RNF128: variants seen among roughly 807,000 people sequenced by gnomAD.
The protein encoded by RNF128 is ring finger protein 128, also known as E3 ubiquitin-protein ligase RNF128.
Under a neutral mutation model 26.2 loss-of-function variants are expected in RNF128, and 13 were observed. The observed-to-expected ratio is 0.50, with a 90% CI of 0.32 to 0.79. RNF128 has a LOEUF of 0.79. RNF128 is among the 30% of genes least tolerant of loss of function. The pLI is 0.03. For synonymous variants in RNF128, 149 were observed against 142.5 expected, an observed-to-expected ratio of 1.05 and a Z score of -0.32; for missense variants, 315 against 349.7, an observed-to-expected ratio of 0.90 and a Z score of 0.79.
chrX:106,757,105 G>A (rs1393280580), intron 1 of RNF128, among the ~76,000 whole-genome samples: 16 of 69,093 alleles, frequency 2.3e-4, no homozygotes, highest in African/African-American at 9.3e-4. Context: ...AGAGGATGTG[G>A]AGAAACAGGA....
intron 3 of RNF128, among the ~76,000 whole-genome samples, chrX:106,787,147 T>C (rs1177182678): frequency 9.0e-6 from 1 of 111,398 alleles, no homozygotes; most frequent in Non-Finnish European, 1.9e-5. Context: ...AAAACACAAC[T>C]GTTCATAGCA....
At chrX:106,696,592 C>T (rs941644892) in intron 1 of RNF128, among the ~76,000 whole-genome samples, 1 of 111,272 alleles carries the variant, frequency 9.0e-6, no homozygotes, top group Non-Finnish European at 1.9e-5. Context: ...TCTGTCATCT[C>T]ATCTTGTATT....
In RNF128 at chrX:106,735,924, TA is replaced by T. The variant is rs761384347; in HGVS notation, c.484+8534del. Among the ~76,000 whole-genome samples the T allele has an allele frequency of 3.6e-5, 4 of 110,367 alleles. No individual in the cohort carries two copies. The East Asian group carries it at 1.1e-3, about 31-fold the overall frequency. ...ACCCTCCCCCCAACACACACACACATAAAAAAATGCACATTCCATGCCTTTC... is the reference window on the plus strand; with the variant it reads ...ACCCTCCCCCCAACACACACACACATAAAAAATGCACATTCCATGCCTTTC... On this transcript the variant is annotated intron_variant, in intron 1 of 6. Coordinates refer to ENST00000255499, the MANE Select transcript of RNF128 (RefSeq NM_194463.2).
At chrX:106,722,183 A>G (rs149435608), upstream of RNF128, among the ~76,000 whole-genome samples, 544 of 110,832 alleles carry the variant, frequency 4.9e-3, no homozygotes, top group African/African-American at 0.017. Flanking sequence ...GGGTGAAACT[A>G]TACTTAAATT....
intron 1 of RNF128, among the ~76,000 whole-genome samples, chrX:106,744,303 C>A (rs932602069): frequency 8.1e-5 from 9 of 111,500 alleles, no homozygotes; most frequent in Non-Finnish European, 1.5e-4. Flanking sequence ...CACTATAGAT[C>A]TCATGCAGAA....
intron 1 of RNF128, among the ~76,000 whole-genome samples, chrX:106,768,167 T>G (rs1336913582): frequency 8.9e-6 from 1 of 111,983 alleles, no homozygotes; most frequent in Non-Finnish European, 1.9e-5. Flanking sequence ...GATTTTCGTC[T>G]AAAATTTTCT....
chrX:106,730,668 A>G (rs6523889), intron 1 of RNF128, among the ~76,000 whole-genome samples: 13,891 of 111,315 alleles, frequency 0.12, 2,136 homozygotes, highest in African/African-American at 0.43. Context: ...TGCTTGTACA[A>G]TTTTCCTTGA....
At chrX:106,748,255 C>T (rs1929821255) in intron 1 of RNF128, among the ~76,000 whole-genome samples, 1 of 111,990 alleles carries the variant, frequency 8.9e-6, no homozygotes, top group South Asian at 3.6e-4. Context: ...CAGCTCTCAA[C>T]ATTTTGAGAA....
At chrX:106,733,732 G>A (rs1175212324) in intron 1 of RNF128, among the ~76,000 whole-genome samples, 2 of 110,685 alleles carry the variant, frequency 1.8e-5, no homozygotes, top group African/African-American at 3.3e-5. Flanking sequence ...ACAGAGTCTC[G>A]CTTTGTCACC....
intron 1 of RNF128, among the ~76,000 whole-genome samples, chrX:106,770,452 T>A (rs193009844): frequency 2.7e-5 from 3 of 111,654 alleles, no homozygotes; most frequent in Non-Finnish European, 3.8e-5. Flanking sequence ...TTCTTTTTAC[T>A]CTTTTTTTTC....
intron 1 of RNF128, among the ~76,000 whole-genome samples, chrX:106,747,882 A>G (rs892368666): frequency 1.8e-5 from 2 of 112,045 alleles, no homozygotes; most frequent in East Asian, 5.6e-4. Flanking sequence ...TATCTAACAT[A>G]CGGAAGATAT....
intron 1 of RNF128, among the ~76,000 whole-genome samples, chrX:106,755,775 G>A (rs1929995653): frequency 9.0e-6 from 1 of 110,919 alleles, no homozygotes; most frequent in Non-Finnish European, 1.9e-5. Flanking sequence ...TATTCAATTA[G>A]GAAAAGAGGA....
At chrX:106,789,434 ATATT>A (rs200002371) in intron 4 of RNF128, among the ~76,000 whole-genome samples, 29 of 90,361 alleles carry the variant, frequency 3.2e-4, no homozygotes, top group African/African-American at 1.5e-3. Context: ...TATATAGTAT[ATATT>A]ATATACATTA....
intron 2 of RNF128, among the ~76,000 whole-genome samples, chrX:106,780,168 C>G (rs1354960563): frequency 9.0e-6 from 1 of 111,211 alleles, no homozygotes; most frequent in Non-Finnish European, 1.9e-5. Flanking sequence ...AAGCTAAAAG[C>G]TGAACGCCCT....
At chrX:106,794,624 G>A (rs188142239) in intron 6 of RNF128, among the ~76,000 whole-genome samples, 19 of 110,740 alleles carry the variant, frequency 1.7e-4, no homozygotes, top group African/African-American at 3.9e-4. Flanking sequence ...TCTGAGCAAC[G>A]GGCATGCTTA....
intron 2 of RNF128, among the ~76,000 whole-genome samples, chrX:106,779,488 A>G (rs1345640367): frequency 9.1e-6 from 1 of 109,760 alleles, no homozygotes; most frequent in Non-Finnish European, 1.9e-5. Flanking sequence ...TTGAACTCAT[A>G]GATGCAGAGA....
Position 106,795,744 on chromosome X carries a change from A to G in RNF128, c.*31A>G, listed in dbSNP as rs766380398. On this transcript the variant is annotated 3_prime_UTR_variant, in exon 7 of 7. Transcript: ENST00000255499. Reference sequence around the variant, plus strand: ...GTGTAAATAGAAAACTTGAACCATTAGTAATAACAGAACTGCCAATCAGGG... The same window carrying G: ...GTGTAAATAGAAAACTTGAACCATTGGTAATAACAGAACTGCCAATCAGGG... 274 of 1,125,811 alleles carry G rather than the reference A, an allele frequency of 2.4e-4. No individual in the cohort carries two copies. In the South Asian group the frequency reaches 5.7e-3, roughly 23 times the overall value. 92.8% of individuals were successfully genotyped at this position (1,125,811 alleles called of 1,213,427 possible). A position where few individuals can be genotyped will look rare whatever the true frequency, so the allele number is the denominator to read the frequency against.
At chrX:106,783,994 A>G (rs1461224348) in intron 2 of RNF128, among the ~76,000 whole-genome samples, 1 of 111,424 alleles carries the variant, frequency 9.0e-6, no homozygotes, top group Non-Finnish European at 1.9e-5. Flanking sequence ...ATTGGGGGTC[A>G]CACTTCAATG....
intron 1 of RNF128, among the ~76,000 whole-genome samples, chrX:106,739,509 A>G (rs1344594156): frequency 8.9e-6 from 1 of 111,768 alleles, no homozygotes; most frequent in Non-Finnish European, 1.9e-5. Flanking sequence ...ACTAACCAAT[A>G]AAGTTAACCT....
Sources: allele counts gnomAD v4.1 joint callset (sites outside exome capture counted in the v4.1 genomes callset), GRCh38; gene constraint gnomAD v4.1.1; transcripts MANE v1.5; gene names NCBI Gene and HGNC (gene_info 2026-07-23, HGNC 2026-07-21).